The following UNC5C variants were observed in gnomAD, a reference collection of about 807,000 sequenced individuals.
UNC5C encodes unc-5 netrin receptor C.
UNC5C carries 47 observed loss-of-function variants against 99.8 expected under a neutral mutation model. The ratio of observed to expected loss-of-function variants is 0.47; its 90% CI spans 0.37 to 0.60. The LOEUF is 0.60. Among genes scored for constraint, UNC5C ranks in the 20% least tolerant of loss-of-function variants. The pLI, the probability that UNC5C is intolerant of heterozygous loss-of-function variation, is 0.00. For synonymous variants in UNC5C, 487 were observed against 452.2 expected (o/e 1.08, Z -0.98); for missense variants, 1,062 against 1,165.9 (o/e 0.91, Z 1.30).
chr4:95,426,249 T>C (rs1056199370), intron 1 of UNC5C, among the ~76,000 whole-genome samples: 2 of 152,232 alleles, frequency 1.3e-5, no homozygotes, highest in Non-Finnish European at 2.9e-5. Flanking sequence ...ATCTTTGAGG[T>C]TACTATTGTA....
chr4:95,190,515 A>G (rs1451564636), intron 12 of UNC5C, among the ~76,000 whole-genome samples: 1 of 152,126 alleles, frequency 6.6e-6, no homozygotes, highest in African/African-American at 2.4e-5. Flanking sequence ...TTGTCGGGAC[A>G]AAGTCTTGCC....
At chr4:95,276,009 T>C (rs1191252416) in intron 4 of UNC5C, among the ~76,000 whole-genome samples, 1 of 152,212 alleles carries the variant, frequency 6.6e-6, no homozygotes, top group Non-Finnish European at 1.5e-5. Context: ...TGCTTAAAGA[T>C]TCTTTAAACA....
chr4:95,391,946 A>G lies in UNC5C; in HGVS notation c.125-56315T>C, dbSNP rs1445628746. Reference sequence around the variant, plus strand: ...CTGGCACACCCCTGTCGTCCCAGCTACTCTGAAGACTGAGGTGGGAGGATC... The same window carrying G: ...CTGGCACACCCCTGTCGTCCCAGCTGCTCTGAAGACTGAGGTGGGAGGATC... On this transcript the variant is annotated intron_variant, in intron 1 of 15. Transcript: ENST00000453304. Among the ~76,000 whole-genome samples, 3 of 151,878 alleles carry G rather than the reference A, an allele frequency of 2.0e-5. No homozygotes were observed. The East Asian group carries it at 5.8e-4, about 30-fold the overall frequency.
intron 4 of UNC5C, among the ~76,000 whole-genome samples, chr4:95,274,976 A>G (rs547232568): frequency 3.6e-4 from 55 of 152,040 alleles, no homozygotes; most frequent in South Asian, 6.2e-4. Context: ...CAGTGAGCCA[A>G]GATCACGCCA....
intron 4 of UNC5C, among the ~76,000 whole-genome samples, chr4:95,261,715 T>A (rs1365847391): frequency 6.6e-6 from 1 of 151,914 alleles, no homozygotes; most frequent in Non-Finnish European, 1.5e-5. Context: ...TTCCTTTTTT[T>A]TTTTTTGAAA....
intron 10 of UNC5C, among the ~76,000 whole-genome samples, chr4:95,210,553 CAT>C (rs1389636146): frequency 6.6e-5 from 10 of 152,108 alleles, no homozygotes; most frequent in Non-Finnish European, 1.0e-4. Context: ...CTCTATGTCT[CAT>C]GTGTTTTCTA....
intron 4 of UNC5C, among the ~76,000 whole-genome samples, chr4:95,270,989 C>T (rs992457070): frequency 5.9e-5 from 9 of 152,152 alleles, no homozygotes; most frequent in African/African-American, 1.4e-4. Flanking sequence ...ATGCTTTTTG[C>T]TCTCTCTGAC....
chr4:95,424,270 G>A (rs1746400025), intron 1 of UNC5C, among the ~76,000 whole-genome samples: 1 of 150,938 alleles, frequency 6.6e-6, no homozygotes, highest in South Asian at 2.1e-4. Context: ...CTCATTCCAA[G>A]TGTATGTGTG....
chr4:95,174,584 T>A (rs1368164854), intron 14 of UNC5C, among the ~76,000 whole-genome samples: 1 of 152,026 alleles, frequency 6.6e-6, no homozygotes, highest in African/African-American at 2.4e-5. Context: ...GAGTTCTAGT[T>A]TGATTGCACT....
intron 1 of UNC5C, among the ~76,000 whole-genome samples, chr4:95,537,498 T>G (rs1283348058): frequency 6.6e-6 from 1 of 152,204 alleles, no homozygotes; most frequent in African/African-American, 2.4e-5. Context: ...CCACAATGGC[T>G]TCATAGTTGC....
chr4:95,471,828 T>C (rs2149474672), intron 1 of UNC5C, among the ~76,000 whole-genome samples: 1 of 151,422 alleles, frequency 6.6e-6, no homozygotes, highest in East Asian at 1.9e-4. Context: ...ATGCATTTTG[T>C]CTTTTTTTTT....
At chr4:95,315,430 G>GA (rs1032108163) in intron 2 of UNC5C, among the ~76,000 whole-genome samples, 1 of 151,606 alleles carries the variant, frequency 6.6e-6, no homozygotes, top group Non-Finnish European at 1.5e-5. Flanking sequence ...GCATTACAAA[G>GA]AAAAAAAAGA....
intron 1 of UNC5C, among the ~76,000 whole-genome samples, chr4:95,404,540 C>T (rs552705470): frequency 1.1e-4 from 17 of 152,228 alleles, no homozygotes; most frequent in East Asian, 7.7e-4. Flanking sequence ...GGGCCACATA[C>T]GTTCTCTGGG....
At chr4:95,342,758 T>C (rs531488032) in intron 1 of UNC5C, among the ~76,000 whole-genome samples, 1 of 151,964 alleles carries the variant, frequency 6.6e-6, no homozygotes, top group Non-Finnish European at 1.5e-5. Context: ...GGCTCTTGGA[T>C]GGCATTTCTG....
At chr4:95,490,761 A>G (rs1264286461) in intron 1 of UNC5C, among the ~76,000 whole-genome samples, 1 of 151,812 alleles carries the variant, frequency 6.6e-6, no homozygotes, top group Non-Finnish European at 1.5e-5. Context: ...CACTTGTGCT[A>G]AAGGACAAAC....
intron 1 of UNC5C, among the ~76,000 whole-genome samples, chr4:95,412,241 T>C (rs1458170670): frequency 6.6e-6 from 1 of 152,138 alleles, no homozygotes; most frequent in Non-Finnish European, 1.5e-5. Context: ...TTCTCCAAAC[T>C]ACCCTTCTCA....
intron 2 of UNC5C, among the ~76,000 whole-genome samples, chr4:95,320,408 G>A (rs1352516712): frequency 2.0e-5 from 2 of 98,380 alleles, no homozygotes; most frequent in Non-Finnish European, 3.8e-5. Flanking sequence ...GGTGACAAGA[G>A]AGAAATTCCA....
At chr4:95,177,488 A>G (rs1736415177) in intron 14 of UNC5C, among the ~76,000 whole-genome samples, 1 of 152,204 alleles carries the variant, frequency 6.6e-6, no homozygotes, top group South Asian at 2.1e-4. Context: ...GTGAGGTTGC[A>G]ACTGCCTGTG....
chr4:95,199,548 A>C (rs1476729625), intron 12 of UNC5C, among the ~76,000 whole-genome samples: 1 of 152,172 alleles, frequency 6.6e-6, no homozygotes, highest in Non-Finnish European at 1.5e-5. Flanking sequence ...TTTGCTGCTT[A>C]AACCTGTTCA....
Sources: allele counts gnomAD v4.1 joint callset (sites outside exome capture counted in the v4.1 genomes callset), GRCh38; gene constraint gnomAD v4.1.1; transcripts MANE v1.5; gene names NCBI Gene and HGNC (gene_info 2026-07-23, HGNC 2026-07-21).